The following ARL6IP6 variants were observed in gnomAD, a reference collection of about 807,000 sequenced individuals.
The protein encoded by ARL6IP6 is ARF like GTPase 6 interacting protein 6, also known as ADP-ribosylation factor-like protein 6-interacting protein 6.
ARL6IP6 carries 22 observed loss-of-function variants against 21.5 expected under a neutral mutation model. The ratio of observed to expected loss-of-function variants is 1.02; its 90% CI spans 0.73 to 1.46. The LOEUF (loss-of-function observed/expected upper bound fraction) is 1.46, where lower values mean the gene tolerates loss of function less well. ARL6IP6 is among the 40% of genes most tolerant of loss of function. The pLI is 0.00. For missense variants in ARL6IP6, 388 were observed against 299.8 expected (o/e 1.29, Z -2.17); for synonymous variants, 164 against 125.3 (o/e 1.31, Z -2.06).
intron 2 of ARL6IP6, among the ~76,000 whole-genome samples, chr2:152,720,997 T>C (rs1341487888): frequency 6.6e-6 from 1 of 152,144 alleles, no homozygotes; most frequent in Non-Finnish European, 1.5e-5. Context: ...GGGAGGCTGA[T>C]GTGGGAGGAT....
chr2:152,718,009 G>C (rs945280941), upstream of ARL6IP6: 54 of 993,828 alleles, frequency 5.4e-5, no homozygotes, highest in Non-Finnish European at 6.3e-5. Context: ...GAGAGCGCGC[G>C]CCTGGGGAAG....
intron 3 of ARL6IP6, among the ~76,000 whole-genome samples, chr2:152,758,534 A>G (rs1333795872): frequency 3.3e-5 from 5 of 152,142 alleles, no homozygotes; most frequent in Non-Finnish European, 7.4e-5. Flanking sequence ...TACGATGTAG[A>G]TAGGTAATAT....
intron 2 of ARL6IP6, among the ~76,000 whole-genome samples, chr2:152,731,990 A>G (rs1246112732): frequency 2.6e-5 from 4 of 152,088 alleles, no homozygotes; most frequent in African/African-American, 9.7e-5. Flanking sequence ...TTATAGCTGC[A>G]TAGTATTCTA....
intron 2 of ARL6IP6, among the ~76,000 whole-genome samples, chr2:152,721,893 A>G (rs950492532): frequency 3.3e-5 from 5 of 152,246 alleles, no homozygotes; most frequent in South Asian, 2.1e-4. Context: ...CTTGCATGAG[A>G]AAACATACTT....
chr2:152,731,546 G>T (rs184336677), intron 2 of ARL6IP6, among the ~76,000 whole-genome samples: 5 of 152,260 alleles, frequency 3.3e-5, no homozygotes, highest in African/African-American at 4.8e-5. Flanking sequence ...TTAAAAATGA[G>T]TCCACAAAGA....
chr2:152,737,903 C>T (rs1349084857), intron 3 of ARL6IP6, among the ~76,000 whole-genome samples: 17 of 152,136 alleles, frequency 1.1e-4, no homozygotes, highest in Non-Finnish European at 1.2e-4. Context: ...TCCCAACAGT[C>T]CCCCAAATTT....
chr2:152,756,508 G>T (rs1488826354), intron 3 of ARL6IP6, among the ~76,000 whole-genome samples: 1 of 151,884 alleles, frequency 6.6e-6, no homozygotes, highest in African/African-American at 2.4e-5. Context: ...TTCATCAAAA[G>T]ATCTTATTAA....
At chr2:152,754,715 C>T (rs1204504328) in intron 3 of ARL6IP6, among the ~76,000 whole-genome samples, 1 of 152,182 alleles carries the variant, frequency 6.6e-6, no homozygotes, top group Non-Finnish European at 1.5e-5. Context: ...CCCACATCCT[C>T]ACCAACACTT....
chr2:152,726,250 C>A (rs759852226), intron 2 of ARL6IP6, among the ~76,000 whole-genome samples: 1 of 152,118 alleles, frequency 6.6e-6, no homozygotes, highest in Non-Finnish European at 1.5e-5. Flanking sequence ...GTCAGAGGAT[C>A]ACCTTCCTCA....
Position 152,725,067 on chromosome 2 carries a change from C to T in ARL6IP6, c.454+4481C>T, listed in dbSNP as rs183442949. ...ACCATTTTTCATTTCTGAATTATTT[C>T]GAGCAGTTCTGTTTGTAAGGATTGA... On this transcript the variant is annotated intron_variant, in intron 2 of 3. Transcript: ENST00000326446. 3.0e-4 allele frequency among the ~76,000 whole-genome samples: 45 copies of T among 152,210 alleles called. No individual in the cohort carries two copies. The Middle Eastern group carries it at 0.01, about 35-fold the overall frequency.
chr2:152,720,325 A>G, intron 1 of ARL6IP6: 1 of 590,046 alleles, frequency 1.7e-6, no homozygotes, highest in East Asian at 2.9e-5. Flanking sequence ...CATCCTATGT[A>G]CGGTATATAG....
intron 2 of ARL6IP6, among the ~76,000 whole-genome samples, chr2:152,722,306 T>C (rs1699826878): frequency 6.6e-6 from 1 of 152,048 alleles, no homozygotes; most frequent in Non-Finnish European, 1.5e-5. Context: ...TTGTCAAGAG[T>C]CAGGAATGAG....
intron 3 of ARL6IP6, among the ~76,000 whole-genome samples, chr2:152,744,199 G>T (rs1160814193): frequency 1.3e-5 from 2 of 152,098 alleles, no homozygotes; most frequent in African/African-American, 4.8e-5. Context: ...AACCTTCAAA[G>T]TCATCTCACA....
At chr2:152,734,480 A>G (rs1000561411) in intron 2 of ARL6IP6, among the ~76,000 whole-genome samples, 2 of 152,192 alleles carry the variant, frequency 1.3e-5, no homozygotes, top group Admixed American at 1.3e-4. Flanking sequence ...AAATTAAATG[A>G]AAAATCTGAT....
intron 3 of ARL6IP6, among the ~76,000 whole-genome samples, chr2:152,747,474 A>G (rs1035499420): frequency 4.6e-5 from 7 of 151,788 alleles, no homozygotes; most frequent in Non-Finnish European, 7.4e-5. Context: ...TGGCTCCTTT[A>G]TGTTCCAGTA....
intron 3 of ARL6IP6, among the ~76,000 whole-genome samples, chr2:152,747,757 G>C (rs1057105325): frequency 1.3e-5 from 2 of 152,056 alleles, no homozygotes; most frequent in Non-Finnish European, 2.9e-5. Flanking sequence ...TTTTAGTAGA[G>C]ATGGGGTTTC....
chr2:152,756,271 G>A (rs1485352727), intron 3 of ARL6IP6, among the ~76,000 whole-genome samples: 1 of 151,960 alleles, frequency 6.6e-6, no homozygotes, highest in Non-Finnish European at 1.5e-5. Flanking sequence ...TAAGGTAGAG[G>A]ACCAAATTCA....
At chr2:152,746,095 G>A (rs1410734646) in intron 3 of ARL6IP6, among the ~76,000 whole-genome samples, 1 of 135,428 alleles carries the variant, frequency 7.4e-6, no homozygotes. Flanking sequence ...TTGGGTGACT[G>A]CAACCTTTGC....
rs544974078 is a variant in ARL6IP6 at position 152,731,223 on chromosome 2, G to A, written c.455-3771G>A. 3.3e-5 allele frequency among the ~76,000 whole-genome samples: 5 copies of A among 152,284 alleles called. No individual in the cohort carries two copies. The South Asian group carries it at 8.3e-4, about 25-fold the overall frequency. ...CCTCTTCTGGAGAAATGAACACAGA[G>A]CCCATTAGCTCTTTAACAGGTGGGA... On this transcript the variant is annotated intron_variant, in intron 2 of 3. Coordinates refer to ENST00000326446, the MANE Select transcript of ARL6IP6 (RefSeq NM_152522.7).
Sources: allele counts gnomAD v4.1 joint callset (sites outside exome capture counted in the v4.1 genomes callset), GRCh38; gene constraint gnomAD v4.1.1; transcripts MANE v1.5; gene names NCBI Gene and HGNC (gene_info 2026-07-23, HGNC 2026-07-21).